CYRIB: variants seen among roughly 807,000 people sequenced by gnomAD.
CYRIB encodes CYFIP related Rac1 interactor B.
A neutral mutation model predicts 44.2 loss-of-function variants in CYRIB; 8 were observed. The observed-to-expected ratio is 0.18, with a 90% confidence interval of 0.11 to 0.33. CYRIB has a LOEUF of 0.33. Among genes scored for constraint, CYRIB ranks in the 10% least tolerant of loss-of-function variants. The probability of loss-of-function intolerance (pLI) is 1.00; values close to 1 mark genes in which losing one functional copy is unlikely to be tolerated. For synonymous variants in CYRIB, 131 were observed against 127.2 expected, an observed-to-expected ratio of 1.03 and a Z score of -0.20; for missense variants, 185 against 382.8, an observed-to-expected ratio of 0.48 and a Z score of 4.31.
At chr8:129,883,838 C>G (rs2061683231) in intron 2 of CYRIB, among the ~76,000 whole-genome samples, 2 of 149,802 alleles carry the variant, frequency 1.3e-5, no homozygotes, top group Admixed American at 1.3e-4. Flanking sequence ...CAGAGGGTTC[C>G]TAAAATCATT....
intron 1 of CYRIB, among the ~76,000 whole-genome samples, chr8:129,907,452 G>T (rs1026476096): frequency 6.6e-6 from 1 of 152,036 alleles, no homozygotes; most frequent in Non-Finnish European, 1.5e-5. Flanking sequence ...GTTATGGGGT[G>T]GGGGGAGGTG....
intron 1 of CYRIB, among the ~76,000 whole-genome samples, chr8:129,996,851 A>G (rs1241030505): frequency 6.6e-6 from 1 of 152,104 alleles, no homozygotes; most frequent in East Asian, 1.9e-4. Context: ...CCTGTGATTA[A>G]AAGAAAGAAA....
chr8:129,928,783 T>G (rs923410608), intron 1 of CYRIB, among the ~76,000 whole-genome samples: 2 of 152,120 alleles, frequency 1.3e-5, no homozygotes, highest in Admixed American at 6.5e-5. Context: ...AGAATAATTA[T>G]AATCAAAAAG....
chr8:129,890,074 G>A (rs1164899901), intron 2 of CYRIB, among the ~76,000 whole-genome samples: 1 of 152,010 alleles, frequency 6.6e-6, no homozygotes, highest in Non-Finnish European at 1.5e-5. Context: ...ACTCCCAGCC[G>A]AAAATGGTTT....
chr8:129,847,167 T>A, intron 10 of CYRIB: 1 of 262,590 alleles, frequency 3.8e-6, no homozygotes, highest in Middle Eastern at 1.2e-3. Context: ...GAGTGGCGAT[T>A]TAAAGGACAG....
intron 2 of CYRIB, among the ~76,000 whole-genome samples, chr8:129,893,464 C>A (rs1016492281): frequency 6.6e-6 from 1 of 152,022 alleles, no homozygotes; most frequent in South Asian, 2.1e-4. Flanking sequence ...TAAAAGCTTC[C>A]CAGAAGGGCT....
chr8:129,840,894 A>G (rs2035988621), exon 12 of CYRIB: 1 of 152,174 alleles, frequency 6.6e-6, no homozygotes, highest in Non-Finnish European at 1.5e-5. Context: ...AGCCTCTGTG[A>G]TTCTCTTCCA....
intron 10 of CYRIB, among the ~76,000 whole-genome samples, chr8:129,847,551 G>A (rs964427052): frequency 2.0e-5 from 3 of 152,184 alleles, no homozygotes; most frequent in Non-Finnish European, 4.4e-5. Flanking sequence ...ACCTCACAGA[G>A]TAAAGTATCA....
At chr8:129,869,763 G>A (rs1211059091) in intron 4 of CYRIB, among the ~76,000 whole-genome samples, 2 of 152,168 alleles carry the variant, frequency 1.3e-5, no homozygotes, top group East Asian at 1.9e-4. Context: ...CGCTTACTAA[G>A]TGCTGTAAGT....
chr8:129,942,900 GC>G (rs1488897549), upstream of CYRIB, among the ~76,000 whole-genome samples: 1 of 152,208 alleles, frequency 6.6e-6, no homozygotes, highest in Non-Finnish European at 1.5e-5. Flanking sequence ...CAACTTCACA[GC>G]TTCTATGGAC....
At chr8:129,983,781 G>A (rs1237661506) in intron 1 of CYRIB, among the ~76,000 whole-genome samples, 1 of 152,234 alleles carries the variant, frequency 6.6e-6, no homozygotes, top group Non-Finnish European at 1.5e-5. Context: ...GCATCGCCGG[G>A]CTCCGCGAGG....
At chr8:129,918,881 G>C (rs1348064101) in intron 1 of CYRIB, among the ~76,000 whole-genome samples, 1 of 152,214 alleles carries the variant, frequency 6.6e-6, no homozygotes, top group Non-Finnish European at 1.5e-5. Context: ...GGAAAAGAGA[G>C]ATAAGGAGAG....
chr8:129,920,912 T>G (rs558790307), intron 1 of CYRIB, among the ~76,000 whole-genome samples: 8 of 152,314 alleles, frequency 5.3e-5, no homozygotes, highest in African/African-American at 1.9e-4. Flanking sequence ...GACAAAATTT[T>G]AGTCATTTGG....
chr8:129,877,169 T>C (rs954925619), intron 3 of CYRIB, among the ~76,000 whole-genome samples: 1 of 152,218 alleles, frequency 6.6e-6, no homozygotes, highest in African/African-American at 2.4e-5. Flanking sequence ...AACTCTAGTT[T>C]GGTATACAGT....
intron 1 of CYRIB, among the ~76,000 whole-genome samples, chr8:129,928,070 T>C (rs991384013): frequency 5.9e-5 from 9 of 151,702 alleles, no homozygotes; most frequent in Non-Finnish European, 1.0e-4. Context: ...TCATAATCTT[T>C]GGTGAGGCAA....
intron 1 of CYRIB, among the ~76,000 whole-genome samples, chr8:130,016,017 C>T (rs1037532373): frequency 6.6e-6 from 1 of 151,880 alleles, no homozygotes; most frequent in African/African-American, 2.4e-5. Flanking sequence ...ACCAGCCACC[C>T]CGACCCGAGC....
At chr8:129,969,467 T>G in intron 2 of CYRIB, among the ~76,000 whole-genome samples, 1 of 152,252 alleles carries the variant, frequency 6.6e-6, no homozygotes, top group Non-Finnish European at 1.5e-5. Context: ...GGTCACTAAA[T>G]TTAATATAAC....
intron 2 of CYRIB, among the ~76,000 whole-genome samples, chr8:129,895,197 C>T (rs2067419394): frequency 6.6e-6 from 1 of 150,954 alleles, no homozygotes; most frequent in South Asian, 2.1e-4. Context: ...GAGACAGGAT[C>T]TCATCGTGTT....
chr8:129,924,090 T>A (rs1353373920), intron 1 of CYRIB, among the ~76,000 whole-genome samples: 4 of 113,626 alleles, frequency 3.5e-5, no homozygotes, highest in African/African-American at 9.9e-5. Context: ...GGGCAATCAG[T>A]GAGATTCTAT....
Sources: gnomAD v4.1 joint callset for allele counts (sites outside exome capture counted in the v4.1 genomes callset) on GRCh38, gnomAD v4.1.1 for gene constraint, MANE v1.5 for transcripts, NCBI Gene and HGNC (gene_info 2026-07-23, HGNC 2026-07-21) for gene names.